CSMD1: variants seen among roughly 807,000 people sequenced by gnomAD.
The protein encoded by CSMD1 is CUB and Sushi multiple domains 1, also known as CUB and sushi domain-containing protein 1.
Under a neutral mutation model 417.5 loss-of-function variants are expected in CSMD1, and 213 were observed. That is an observed-to-expected ratio of 0.51 (90% confidence interval 0.46 to 0.57). The LOEUF (loss-of-function observed/expected upper bound fraction) is 0.57, where lower values mean the gene tolerates loss of function less well. Ranked by LOEUF, CSMD1 falls within the 20% of genes least tolerant of loss-of-function variation. The pLI is 0.00. For missense variants in CSMD1, 6,923 were observed against 4,529.7 expected (o/e 1.53, Z -15.17); for synonymous variants, 2,862 against 1,736.8 (o/e 1.65, Z -16.11).
chr8:4,667,746 G>C (rs981227903), intron 1 of CSMD1, among the ~76,000 whole-genome samples: 12 of 152,146 alleles, frequency 7.9e-5, no homozygotes, highest in African/African-American at 2.4e-4. Flanking sequence ...TTTGGTTTCA[G>C]TAACATTCTT....
chr8:4,799,869 G>C (rs767435156), intron 1 of CSMD1, among the ~76,000 whole-genome samples: 22 of 151,986 alleles, frequency 1.4e-4, no homozygotes, highest in Non-Finnish European at 2.2e-4. Context: ...GTGTAAGAAA[G>C]TACTCAAACA....
At chr8:4,355,618 A>C (rs1480510024) in intron 3 of CSMD1, among the ~76,000 whole-genome samples, 1 of 152,208 alleles carries the variant, frequency 6.6e-6, no homozygotes. Flanking sequence ...AACTGAGTTA[A>C]ATATTGCTTA....
intron 3 of CSMD1, among the ~76,000 whole-genome samples, chr8:4,251,904 G>GGAGGA (rs1363792031): frequency 1.1e-3 from 164 of 150,696 alleles, no homozygotes; most frequent in African/African-American, 3.8e-3. Flanking sequence ...GGAGGGGAGG[G>GGAGGA]GAGGATAATG....
intron 6 of CSMD1, among the ~76,000 whole-genome samples, chr8:3,716,459 C>T (rs998462817): frequency 6.6e-6 from 1 of 152,078 alleles, no homozygotes; most frequent in Non-Finnish European, 1.5e-5. Context: ...TTTTTTAGAC[C>T]ATATAGAGTA....
intron 21 of CSMD1, among the ~76,000 whole-genome samples, chr8:3,351,761 A>C (rs1467462673): frequency 4.7e-5 from 4 of 84,376 alleles, no homozygotes; most frequent in Non-Finnish European, 1.1e-4. Flanking sequence ...AAATATATTA[A>C]ATGTATAATA....
chr8:4,216,465 G>A (rs1264935966), intron 3 of CSMD1, among the ~76,000 whole-genome samples: 1 of 152,126 alleles, frequency 6.6e-6, no homozygotes, highest in South Asian at 2.1e-4. Context: ...TGTTAAATTA[G>A]TAATTAGTAA....
intron 7 of CSMD1, among the ~76,000 whole-genome samples, chr8:3,684,132 A>C (rs908158359): frequency 5.1e-5 from 6 of 117,684 alleles, no homozygotes; most frequent in Non-Finnish European, 1.2e-4. Flanking sequence ...AATTTATATA[A>C]TATATAATGC....
At chr8:3,596,023 G>C (rs899485556) in intron 8 of CSMD1, among the ~76,000 whole-genome samples, 1 of 151,484 alleles carries the variant, frequency 6.6e-6, no homozygotes, top group East Asian at 1.9e-4. Flanking sequence ...GGGCTTTGAG[G>C]AGAGCAACGT....
intron 1 of CSMD1, among the ~76,000 whole-genome samples, chr8:4,719,673 C>A (rs182023654): frequency 2.0e-5 from 3 of 152,240 alleles, no homozygotes; most frequent in African/African-American, 7.2e-5. Flanking sequence ...ATTTGTACTT[C>A]CAGATGAAAG....
intron 3 of CSMD1, among the ~76,000 whole-genome samples, chr8:4,275,876 G>T (rs562441754): frequency 1.3e-5 from 2 of 152,070 alleles, no homozygotes; most frequent in Non-Finnish European, 2.9e-5. Context: ...AATTATAATT[G>T]GATGAACAAT....
At chr8:4,830,985 A>G (rs1027022293) in intron 1 of CSMD1, among the ~76,000 whole-genome samples, 19 of 152,350 alleles carry the variant, frequency 1.2e-4, no homozygotes, top group Middle Eastern at 3.4e-3. Flanking sequence ...CGAGGCATTT[A>G]GAGGCCCTTC....
rs531037532 is a variant in CSMD1, at chr8:3,332,526, C to T, written c.3631+10768G>A. Among the ~76,000 whole-genome samples the T allele has an allele frequency of 8.5e-5, 13 of 152,284 alleles. No homozygotes were observed. The East Asian group carries it at 1.9e-3, about 23-fold the overall frequency. ...TGCCTGTGACCATTCAGAATGTCAC[C>T]GCTGAAACCTGTTTTATTTGCAGAC... On this transcript the variant is annotated intron_variant, in intron 23 of 69. Coordinates refer to ENST00000635120, the MANE Select transcript of CSMD1 (RefSeq NM_033225.6).
chr8:3,899,379 C>T (rs548920360), intron 5 of CSMD1, among the ~76,000 whole-genome samples: 2 of 152,288 alleles, frequency 1.3e-5, no homozygotes, highest in South Asian at 4.2e-4. Context: ...CAAAGAGTGA[C>T]TGAACATGAC....
At chr8:3,723,166 C>A (rs78375883) in intron 6 of CSMD1, among the ~76,000 whole-genome samples, 2,446 of 152,230 alleles carry the variant, frequency 0.016, 53 homozygotes, top group African/African-American at 0.044. Context: ...TTCTTGCTGG[C>A]TAATGAAGGG....
intron 25 of CSMD1, among the ~76,000 whole-genome samples, chr8:3,304,105 A>T (rs1804625306): frequency 6.6e-6 from 1 of 152,162 alleles, no homozygotes; most frequent in Non-Finnish European, 1.5e-5. Context: ...ATTTTCCAAG[A>T]TCCGGCTGTT....
At chr8:4,488,882 T>C (rs747812277) in intron 2 of CSMD1, among the ~76,000 whole-genome samples, 2 of 152,224 alleles carry the variant, frequency 1.3e-5, no homozygotes, top group Non-Finnish European at 2.9e-5. Flanking sequence ...AATCCTTTCC[T>C]GCAGAATGTG....
chr8:3,097,597 C>G (rs1484141693), intron 46 of CSMD1, among the ~76,000 whole-genome samples: 1 of 152,086 alleles, frequency 6.6e-6, no homozygotes, highest in Non-Finnish European at 1.5e-5. Context: ...GGATTCATGT[C>G]CTGGGTGAGA....
chr8:3,247,664 T>C (rs1168929765), intron 26 of CSMD1, among the ~76,000 whole-genome samples: 6 of 152,118 alleles, frequency 3.9e-5, no homozygotes, highest in Admixed American at 6.5e-5. Flanking sequence ...CCGCCCCCAG[T>C]TCTAAAATAG....
At chr8:4,953,387 T>G (rs1808877629) in intron 1 of CSMD1, among the ~76,000 whole-genome samples, 1 of 152,144 alleles carries the variant, frequency 6.6e-6, no homozygotes, top group South Asian at 2.1e-4. Context: ...GACTATGCGA[T>G]CAACACATGT....
Sources: gnomAD v4.1 joint callset for allele counts (sites outside exome capture counted in the v4.1 genomes callset) on GRCh38, gnomAD v4.1.1 for gene constraint, MANE v1.5 for transcripts, NCBI Gene and HGNC (gene_info 2026-07-23, HGNC 2026-07-21) for gene names.